Variants in MAF observed in about 807,000 individuals in gnomAD.
MAF encodes MAF bZIP transcription factor, also known as transcription factor Maf.
MAF carries 10 observed loss-of-function variants against 22.0 expected under a neutral mutation model. That is an observed-to-expected ratio of 0.45 (90% CI 0.28 to 0.77). The LOEUF (loss-of-function observed/expected upper bound fraction) is 0.77. Ranked by LOEUF, MAF falls within the 30% of genes least tolerant of loss-of-function variation. MAF has a pLI of 0.12. For synonymous variants in MAF, 337 were observed against 255.8 expected, an observed-to-expected ratio of 1.32 and a Z score of -3.03; for missense variants, 544 against 548.4, an observed-to-expected ratio of 0.99 and a Z score of 0.08.
the MAF span, among the ~76,000 whole-genome samples, chr16:79,483,037 C>CCTTTGT: frequency 4.1e-5 from 1 of 24,298 alleles, no homozygotes; most frequent in Non-Finnish European, 8.5e-5. Context: ...CCCCTCCCTC[C>CCTTTGT]CTCCCCTCCC....
chr16:79,566,754 C>A, the MAF span, among the ~76,000 whole-genome samples: 6 of 152,182 alleles, frequency 3.9e-5, no homozygotes, highest in East Asian at 5.8e-4. Context: ...CCCTAAGGAA[C>A]CTCCAGTTCC....
At chr16:79,240,698 G>T in the MAF span, among the ~76,000 whole-genome samples, 1 of 151,894 alleles carries the variant, frequency 6.6e-6, no homozygotes, top group East Asian at 2.0e-4. Flanking sequence ...GCTCTGCTAA[G>T]GGTCAGACTG....
chr16:79,521,181 G>A, the MAF span, among the ~76,000 whole-genome samples: 3 of 152,172 alleles, frequency 2.0e-5, no homozygotes, highest in Admixed American at 1.3e-4. Context: ...ATGCTCAAGT[G>A]ACTGGGAATT....
chr16:79,212,550 G>A, the MAF span: 72 of 168,748 alleles, frequency 4.3e-4, no homozygotes, highest in African/African-American at 1.4e-3. Flanking sequence ...AGAATAAAAC[G>A]TTAGTTAATC....
At chr16:79,255,855 G>A in the MAF span, among the ~76,000 whole-genome samples, 1 of 152,162 alleles carries the variant, frequency 6.6e-6, no homozygotes, top group Non-Finnish European at 1.5e-5. Flanking sequence ...TTGCCTGGAA[G>A]AGGAGCAATG....
At chr16:79,268,762 G>A in the MAF span, among the ~76,000 whole-genome samples, 2 of 152,180 alleles carry the variant, frequency 1.3e-5, no homozygotes, top group Non-Finnish European at 2.9e-5. Context: ...CCCCAATCCT[G>A]AGAAAGAAAT....
the MAF span, among the ~76,000 whole-genome samples, chr16:79,331,459 A>G: frequency 6.6e-6 from 1 of 152,138 alleles, no homozygotes; most frequent in Non-Finnish European, 1.5e-5. Flanking sequence ...CTAACTTTGA[A>G]GTTTGCCTTT....
the MAF span, among the ~76,000 whole-genome samples, chr16:79,428,096 T>TAAAAAAAAAA: frequency 1.9e-5 from 2 of 104,120 alleles, no homozygotes; most frequent in African/African-American, 3.7e-5. Context: ...CGACTCAAAT[T>TAAAAAAAAAA]AAAAAAAAAA....
At chr16:79,437,616 G>T in the MAF span, among the ~76,000 whole-genome samples, 1 of 152,030 alleles carries the variant, frequency 6.6e-6, no homozygotes, top group Non-Finnish European at 1.5e-5. Context: ...TACAGCTGAG[G>T]AAAGGACACC....
At chr16:79,425,436 A>G in the MAF span, among the ~76,000 whole-genome samples, 1 of 152,160 alleles carries the variant, frequency 6.6e-6, no homozygotes, top group Non-Finnish European at 1.5e-5. Flanking sequence ...TGGCCTAGGA[A>G]CTCTAGCAAA....
chr16:79,266,296 T>C, the MAF span, among the ~76,000 whole-genome samples: 2 of 152,170 alleles, frequency 1.3e-5, no homozygotes, highest in African/African-American at 4.8e-5. Context: ...CATTTAATAT[T>C]TTCAGTCCAT....
the MAF span, among the ~76,000 whole-genome samples, chr16:79,474,430 T>C: frequency 6.6e-6 from 1 of 152,150 alleles, no homozygotes; most frequent in African/African-American, 2.4e-5. Flanking sequence ...CCTGGCTGGC[T>C]GGGCAGACAG....
chr16:79,469,693 T>G, the MAF span, among the ~76,000 whole-genome samples: 2 of 152,046 alleles, frequency 1.3e-5, no homozygotes, highest in Non-Finnish European at 2.9e-5. Flanking sequence ...ACCTCCCAGG[T>G]TCAAGTGATT....
chr16:79,536,316 C>T, the MAF span, among the ~76,000 whole-genome samples: 4 of 152,192 alleles, frequency 2.6e-5, no homozygotes, highest in African/African-American at 9.7e-5. Context: ...GCTCCCCACC[C>T]ATGGATCCAA....
At chr16:79,556,520 A>G in the MAF span, among the ~76,000 whole-genome samples, 1 of 152,220 alleles carries the variant, frequency 6.6e-6, no homozygotes, top group Non-Finnish European at 1.5e-5. Flanking sequence ...GAGACATTAT[A>G]GGACCTCTGT....
the MAF span, among the ~76,000 whole-genome samples, chr16:79,237,460 A>C: frequency 4.8e-4 from 73 of 152,054 alleles, no homozygotes; most frequent in African/African-American, 1.7e-3. Flanking sequence ...TTTGCAAATA[A>C]CCACTGGAAA....
chr16:79,587,188 T>C (rs1912898652), intron 1 of MAF, among the ~76,000 whole-genome samples: 1 of 152,262 alleles, frequency 6.6e-6, no homozygotes, highest in Non-Finnish European at 1.5e-5. Context: ...ACACGTTATA[T>C]GCGTTTATTC....
chr16:79,551,636 GTT>G, the MAF span, among the ~76,000 whole-genome samples: 2 of 152,120 alleles, frequency 1.3e-5, no homozygotes, highest in African/African-American at 4.8e-5. Context: ...AATCCCCACT[GTT>G]TGTTCTTGTG....
the MAF span, chr16:79,202,908 A>G: frequency 1.3e-5 from 2 of 152,240 alleles, no homozygotes; most frequent in Non-Finnish European, 2.9e-5. Context: ...TTTAGATAAT[A>G]TTTGCATGAT....
Sources: allele counts gnomAD v4.1 joint callset (sites outside exome capture counted in the v4.1 genomes callset), GRCh38; gene constraint gnomAD v4.1.1; transcripts MANE v1.5; gene names NCBI Gene and HGNC (gene_info 2026-07-23, HGNC 2026-07-21).